COPZ2: variants seen among roughly 807,000 people sequenced by gnomAD.
COPZ2 encodes the protein coatomer subunit zeta-2.
A neutral mutation model predicts 33.2 loss-of-function variants in COPZ2; 30 were observed. That is an observed-to-expected ratio of 0.90 (90% CI 0.68 to 1.23). The LOEUF (loss-of-function observed/expected upper bound fraction) is 1.23, where lower values mean the gene tolerates loss of function less well. COPZ2 is among the 50% of genes most tolerant of loss of function. The pLI is 0.00. For missense variants in COPZ2, 263 were observed against 262.4 expected, an observed-to-expected ratio of 1.00 and a Z score of -0.02; for synonymous variants, 89 against 102.6, an observed-to-expected ratio of 0.87 and a Z score of 0.80.
rs777421784 is a variant in COPZ2, at chr17:48,033,255, T to C, written c.316A>G (p.Ile106Val). The change falls in exon 4 of 9, where the codon ATT (isoleucine) becomes GTT (valine). Residue 106 changes from isoleucine (I) to valine (V), a missense_variant. Ile to Val is a conservative substitution (Grantham distance 29). Transcript: ENST00000621465. ...CCCACCACGTATAGGAAGAGGTCAA[T>C]GCTGTTCTTGTAGACGATGGTCATA... is the stretch of plus-strand genomic sequence containing the variant. ...GGMTIVYKNS[I>V]DLFLYVVGSS... is the part of the protein sequence containing the mutation. The C allele has an allele frequency of 6.8e-6, 11 of 1,613,460 alleles. No homozygotes were observed. The highest frequency in any genetic ancestry group is 9.3e-6 in the Non-Finnish European group (11 of 1,179,646).
At position 48,026,477 on chromosome 17, in the gene COPZ2, T is replaced by G; in HGVS notation, c.586-2A>C. 1.2e-6 allele frequency: 2 copies of G among 1,602,420 alleles called. No individual in the cohort carries two copies. Among genetic ancestry groups the G allele is most frequent in the Non-Finnish European group, 1.7e-6 (2 of 1,169,766 alleles). On this transcript the variant is annotated splice_acceptor_variant, in intron 8 of 8. Coordinates refer to ENST00000621465, the MANE Select transcript of COPZ2 (RefSeq NM_016429.4). LOFTEE classifies it high-confidence loss of function. The stretch of plus-strand genomic sequence containing the variant: ...TTGTTCCTTGGCAGACTGAAGAACC[T>G]GGGGTGGGGTGGGGGAGGTTGAGAG...
At chr17:48,040,590 G>A (rs1380892231), upstream of COPZ2, among the ~76,000 whole-genome samples, 1 of 151,250 alleles carries the variant, frequency 6.6e-6, no homozygotes, top group Non-Finnish European at 1.5e-5. Flanking sequence ...ACACCACCAC[G>A]CCCAGCTAAT....
At chr17:48,043,593 T>G in the COPZ2 span, 1 of 983,502 alleles carries the variant, frequency 1.0e-6, no homozygotes. Flanking sequence ...TAAGGACAGC[T>G]CTCATTTCTT....
chr17:48,042,877 G>C (rs2037075226), upstream of COPZ2, among the ~76,000 whole-genome samples: 1 of 152,186 alleles, frequency 6.6e-6, no homozygotes, highest in South Asian at 2.1e-4. Flanking sequence ...TCCTTCAACA[G>C]AGACCCCAGA....
upstream of COPZ2, among the ~76,000 whole-genome samples, chr17:48,041,291 CAAGT>C (rs528843484): frequency 3.9e-4 from 60 of 152,098 alleles, 1 homozygote; most frequent in South Asian, 1.5e-3. Context: ...AACTTACAAT[CAAGT>C]GTTTGTGTAT....
rs1401907030 is a variant in COPZ2 at position 48,033,961 on chromosome 17, G to A, written c.187-17C>T. ...ATCATAATACTATGAGAAAGGGAAGGAGAAAGGACCATAGCTTTCCACACA... is the reference window on the plus strand; with the variant it reads ...ATCATAATACTATGAGAAAGGGAAGAAGAAAGGACCATAGCTTTCCACACA... On this transcript the variant is annotated splice_polypyrimidine_tract_variant and intron_variant, in intron 2 of 8. Coordinates refer to ENST00000621465, the MANE Select transcript of COPZ2 (RefSeq NM_016429.4). 3.8e-6 allele frequency: 6 copies of A among 1,565,022 alleles called. No individual in the cohort carries two copies. The highest frequency in any genetic ancestry group is 5.3e-6 in the Non-Finnish European group (6 of 1,140,932).
At chr17:48,043,096 G>C in the COPZ2 span, among the ~76,000 whole-genome samples, 1 of 152,202 alleles carries the variant, frequency 6.6e-6, no homozygotes, top group Non-Finnish European at 1.5e-5. Context: ...AGCCTCCCCA[G>C]CTCGAGGAAG....
At chr17:48,042,134 C>CT (rs1366846279), upstream of COPZ2, among the ~76,000 whole-genome samples, 1 of 150,996 alleles carries the variant, frequency 6.6e-6, no homozygotes, top group Non-Finnish European at 1.5e-5. Flanking sequence ...TTTTCTTTTT[C>CT]TTTTTTTCTT....
Position 48,033,285 on chromosome 17 carries a change from C to T in COPZ2, c.286G>A (p.Gly96Arg), listed in dbSNP as rs1567741849. The change falls in exon 4 of 9, where the codon GGG becomes AGG. Residue 96 changes from glycine to arginine, a missense_variant. By Grantham distance (125) the Gly-to-Arg change is moderately radical. Transcript: ENST00000621465. ...SRTESEIAFFGGMTIVYKNSI... is the reference protein window; with the variant it reads ...SRTESEIAFFRGMTIVYKNSI... ...TTCTTGTAGACGATGGTCATACCCCCAAAAAATGCAATCTCACCTAGAAGT... is the reference window on the plus strand; with the variant it reads ...TTCTTGTAGACGATGGTCATACCCCTAAAAAATGCAATCTCACCTAGAAGT... 1.2e-6 allele frequency: 2 copies of T among 1,612,168 alleles called. No homozygotes were observed. The highest frequency in any genetic ancestry group is 1.7e-5 in the Admixed American group (1 of 59,866).
chr17:48,039,203 G>A (rs1211973572), upstream of COPZ2, among the ~76,000 whole-genome samples: 1 of 151,934 alleles, frequency 6.6e-6, no homozygotes, highest in East Asian at 1.9e-4. Context: ...GGGCTCAATG[G>A]CTCACATCTG....
chr17:48,037,573 G>A lies in COPZ2; in HGVS notation c.111+94C>T. On this transcript the variant is annotated intron_variant, in intron 1 of 8. Coordinates refer to ENST00000621465, the MANE Select transcript of COPZ2 (RefSeq NM_016429.4). The surrounding 1 kb of genome is among the most constrained non-coding windows in gnomAD (Gnocchi z 5.6). ...GTGACACAAAGTTCCCAGCCGCCGG[G>A]CGCGCGAGTTCTGAGTTGGCTGCTC... 9.9e-7 allele frequency: 1 copy of A among 1,006,698 alleles called. No individual in the cohort carries two copies. The highest frequency in any genetic ancestry group is 1.2e-6 in the Non-Finnish European group (1 of 831,166). The allele number at this position is 1,006,698 out of a possible 1,614,324, so 62.4% of individuals were successfully genotyped here.
At chr17:48,036,474 C>G (rs2036984616) in intron 2 of COPZ2, among the ~76,000 whole-genome samples, 1 of 152,130 alleles carries the variant, frequency 6.6e-6, no homozygotes, top group Non-Finnish European at 1.5e-5. Flanking sequence ...TTAGTGTTTA[C>G]CAAGCTGTAG....
chr17:48,030,227 C>T (rs916535046), intron 6 of COPZ2, among the ~76,000 whole-genome samples: 27 of 150,872 alleles, frequency 1.8e-4, no homozygotes, highest in African/African-American at 6.3e-4. Context: ...GCAGAGGTTG[C>T]AGTGAGCCAA....
chr17:48,047,701 C>T, the COPZ2 span: 1 of 152,092 alleles, frequency 6.6e-6, no homozygotes, highest in South Asian at 2.1e-4. Flanking sequence ...CGGTACTGCT[C>T]CAGCGAAGGT....
chr17:48,037,575 G>T lies in COPZ2; in HGVS notation c.111+92C>A. 9.9e-7 allele frequency: 1 copy of T among 1,009,522 alleles called. No homozygotes were observed. Among genetic ancestry groups the T allele is most frequent in the Non-Finnish European group, 1.2e-6 (1 of 833,286 alleles). 62.5% of individuals were successfully genotyped at this position (1,009,522 alleles called of 1,614,324 possible). A position where few individuals can be genotyped will look rare whatever the true frequency, so the allele number is the denominator to read the frequency against. ...GACACAAAGTTCCCAGCCGCCGGGC[G>T]CGCGAGTTCTGAGTTGGCTGCTCCC... is the stretch of plus-strand genomic sequence containing the variant. On this transcript the variant is annotated intron_variant, in intron 1 of 8. Transcript: ENST00000621465. This position sits in a 1 kb window ranked among gnomAD's most constrained non-coding sequence, Gnocchi z 5.6.
Position 48,030,269 on chromosome 17 carries a change from AGAGT to A in COPZ2, c.495-1097_495-1094del, listed in dbSNP as rs1167987376. On this transcript the variant is annotated intron_variant, in intron 6 of 8. Coordinates refer to ENST00000621465, the MANE Select transcript of COPZ2 (RefSeq NM_016429.4). ...GCCACTGCACTCCAGCCTGGGCGAC[AGAGT>A]GAGACTCCATCTCAAAACACACACA... 2.7e-5 allele frequency among the ~76,000 whole-genome samples: 4 copies of A among 150,334 alleles called. No homozygotes were observed. In the South Asian group the frequency reaches 6.3e-4, roughly 24 times the overall value.
In COPZ2 at chr17:48,032,681, C is replaced by T. The variant is rs1353788696; in HGVS notation, c.416+5G>A. ...GGGCCTCGGAGGGCAGAGAACCTCA[C>T]TCACCTTAACATGTGGTTCAGAGAC... On this transcript the variant is annotated splice_donor_5th_base_variant and intron_variant, in intron 5 of 8. Transcript: ENST00000621465. 1.9e-6 allele frequency: 3 copies of T among 1,585,090 alleles called. No individual in the cohort carries two copies. The highest frequency in any genetic ancestry group is 1.3e-5 in the African/African-American group (1 of 74,326).
At chr17:48,043,432 G>A in the COPZ2 span, 12 of 772,734 alleles carry the variant, frequency 1.6e-5, no homozygotes, top group Non-Finnish European at 1.7e-5. Flanking sequence ...GCTCCCTTGG[G>A]TACCAGCCTC....
At chr17:48,044,427 T>TTA in the COPZ2 span, among the ~76,000 whole-genome samples, 2 of 146,704 alleles carry the variant, frequency 1.4e-5, no homozygotes, top group Admixed American at 6.8e-5. Flanking sequence ...TTTTTTTTTT[T>TTA]ACCCCAATGT....
Sources: gnomAD v4.1 joint callset for allele counts (sites outside exome capture counted in the v4.1 genomes callset) on GRCh38, gnomAD v4.1.1 for gene constraint, Gnocchi (gnomAD v3.1) non-coding constraint, MANE v1.5 for transcripts, NCBI Gene and HGNC (gene_info 2026-07-23, HGNC 2026-07-21) for gene names.